The following CHST9 variants were observed in gnomAD, a reference collection of about 807,000 sequenced individuals.
CHST9 encodes GalNAc-4-sulfotransferase 2.
In CHST9, 41 loss-of-function variants were observed where a neutral mutation model predicts 44.4. That is an observed-to-expected ratio of 0.92 (90% CI 0.72 to 1.20). The LOEUF is 1.20. Ranked by LOEUF, CHST9 falls within the 50% of genes most tolerant of loss-of-function variation. The probability of loss-of-function intolerance (pLI) is 0.00; values close to 1 mark genes in which losing one functional copy is unlikely to be tolerated. For synonymous variants in CHST9, 171 were observed against 178.4 expected, an observed-to-expected ratio of 0.96 and a Z score of 0.33; for missense variants, 504 against 516.5, an observed-to-expected ratio of 0.98 and a Z score of 0.23.
intron 1 of CHST9, among the ~76,000 whole-genome samples, chr18:27,156,608 G>T (rs1047135467): frequency 1.3e-5 from 2 of 152,070 alleles, no homozygotes; most frequent in Admixed American, 1.3e-4. Context: ...AAGCTTCATA[G>T]TGTTAAGATC....
chr18:27,093,971 A>G (rs1479541572), intron 2 of CHST9, among the ~76,000 whole-genome samples: 1 of 151,600 alleles, frequency 6.6e-6, no homozygotes, highest in Non-Finnish European at 1.5e-5. Context: ...CTTAGTTTTT[A>G]TCTTCATGTT....
At chr18:27,108,851 C>T (rs148117002) in intron 2 of CHST9, among the ~76,000 whole-genome samples, 20 of 152,196 alleles carry the variant, frequency 1.3e-4, no homozygotes, top group South Asian at 6.2e-4. Context: ...TAATTCTGGT[C>T]CTTAACAGGA....
intron 4 of CHST9, among the ~76,000 whole-genome samples, chr18:26,960,093 G>A (rs1467699798): frequency 1.3e-5 from 2 of 152,100 alleles, no homozygotes; most frequent in African/African-American, 2.4e-5. Flanking sequence ...CAGAGGAGGT[G>A]GGATGATAAG....
chr18:26,993,992 T>C (rs1630505), intron 4 of CHST9, among the ~76,000 whole-genome samples: 52,802 of 152,086 alleles, frequency 0.35, 9,815 homozygotes, highest in East Asian at 0.47. Context: ...CACCTTGTCT[T>C]CACATGGTCT....
chr18:26,993,423 GACTGTCTC>G (rs1394640285), intron 4 of CHST9, among the ~76,000 whole-genome samples: 3 of 152,166 alleles, frequency 2.0e-5, no homozygotes, highest in Non-Finnish European at 2.9e-5. Flanking sequence ...TAATGTTGAT[GACTGTCTC>G]ATAAAGAATA....
intron 5 of CHST9, among the ~76,000 whole-genome samples, chr18:26,918,446 G>A (rs1440725940): frequency 5.9e-5 from 9 of 151,922 alleles, no homozygotes; most frequent in Non-Finnish European, 1.2e-4. Flanking sequence ...GGTGGGGAAA[G>A]TTTCCTAGGG....
At chr18:26,951,572 G>A (rs1394891520) in intron 4 of CHST9, among the ~76,000 whole-genome samples, 1 of 149,318 alleles carries the variant, frequency 6.7e-6, no homozygotes. Context: ...TTTTTTTTTT[G>A]GTCAAAGGGA....
chr18:26,953,448 C>T (rs1001994737), intron 4 of CHST9, among the ~76,000 whole-genome samples: 12 of 151,764 alleles, frequency 7.9e-5, no homozygotes, highest in Admixed American at 5.9e-4. Flanking sequence ...TATAAAGGAA[C>T]ATTAAACTGG....
intron 5 of CHST9, among the ~76,000 whole-genome samples, chr18:26,929,594 A>G (rs1228475087): frequency 6.6e-6 from 1 of 152,210 alleles, no homozygotes; most frequent in Non-Finnish European, 1.5e-5. Context: ...TGCTAATTCA[A>G]TTAATAGTAT....
At chr18:27,064,056 CT>C (rs201611195) in intron 2 of CHST9, among the ~76,000 whole-genome samples, 3 of 151,198 alleles carry the variant, frequency 2.0e-5, no homozygotes, top group Admixed American at 6.6e-5. Flanking sequence ...TATACAGAGA[CT>C]TTTTTTTTAA....
intron 4 of CHST9, among the ~76,000 whole-genome samples, chr18:26,960,107 G>A (rs2056380469): frequency 6.6e-6 from 1 of 152,102 alleles, no homozygotes; most frequent in Non-Finnish European, 1.5e-5. Context: ...TGATAAGCTC[G>A]GTTTAGCATT....
At chr18:27,097,377 A>T (rs964408251) in intron 2 of CHST9, among the ~76,000 whole-genome samples, 4 of 152,084 alleles carry the variant, frequency 2.6e-5, no homozygotes, top group African/African-American at 9.6e-5. Context: ...TCAACATAGT[A>T]CTGGAAGCAC....
intron 5 of CHST9, among the ~76,000 whole-genome samples, chr18:26,928,853 T>C (rs552973352): frequency 6.6e-6 from 1 of 152,238 alleles, no homozygotes; most frequent in Non-Finnish European, 1.5e-5. Context: ...GGGTAGTTGG[T>C]TGGAAGTCTG....
At chr18:27,128,078 A>AT (rs1338456016) in intron 2 of CHST9, among the ~76,000 whole-genome samples, 1 of 152,156 alleles carries the variant, frequency 6.6e-6, no homozygotes, top group Non-Finnish European at 1.5e-5. Flanking sequence ...GGACTCATCA[A>AT]TTTATCCTGG....
At chr18:27,130,869 CT>C (rs1278734311) in intron 2 of CHST9, among the ~76,000 whole-genome samples, 1 of 151,982 alleles carries the variant, frequency 6.6e-6, no homozygotes. Flanking sequence ...AGATAGATAC[CT>C]TTCACATAAG....
At chr18:27,096,687 G>C (rs2058120018) in intron 2 of CHST9, among the ~76,000 whole-genome samples, 3 of 152,076 alleles carry the variant, frequency 2.0e-5, no homozygotes, top group South Asian at 4.1e-4. Context: ...CCTAGAGGAA[G>C]TGGATAAATT....
intron 2 of CHST9, among the ~76,000 whole-genome samples, chr18:27,074,980 C>T (rs1260215261): frequency 6.7e-6 from 1 of 148,450 alleles, no homozygotes; most frequent in African/African-American, 2.5e-5. Context: ...AAATATAATG[C>T]TTTAAAGAAA....
At chr18:27,068,466 A>T (rs1025922097) in intron 2 of CHST9, among the ~76,000 whole-genome samples, 1 of 152,192 alleles carries the variant, frequency 6.6e-6, no homozygotes, top group Non-Finnish European at 1.5e-5. Flanking sequence ...ATATCATTAT[A>T]TAAGTTTAAA....
intron 4 of CHST9, among the ~76,000 whole-genome samples, chr18:26,954,588 T>C (rs1380164895): frequency 6.6e-6 from 1 of 152,164 alleles, no homozygotes; most frequent in African/African-American, 2.4e-5. Flanking sequence ...TCTGGTCCTT[T>C]TTGGCCTCTT....
Sources: gnomAD v4.1 joint callset for allele counts (sites outside exome capture counted in the v4.1 genomes callset) on GRCh38, gnomAD v4.1.1 for gene constraint, MANE v1.5 for transcripts, NCBI Gene and HGNC (gene_info 2026-07-23, HGNC 2026-07-21) for gene names.